COL18A1: variants seen among roughly 807,000 people sequenced by gnomAD.
The protein encoded by COL18A1 is collagen type XVIII alpha 1 chain, also known as collagen alpha-1(XVIII) chain.
In COL18A1, 133 loss-of-function variants were observed where a neutral mutation model predicts 168.0. That is an observed-to-expected ratio of 0.79 (90% CI 0.69 to 0.91). COL18A1 has a LOEUF of 0.91. COL18A1 is among the 40% of genes least tolerant of loss of function. The pLI, the probability that COL18A1 is intolerant of heterozygous loss-of-function variation, is 0.00. For synonymous variants in COL18A1, 949 were observed against 809.0 expected (o/e 1.17, Z -2.94); for missense variants, 2,126 against 1,925.4 (o/e 1.10, Z -1.95).
intron 2 of COL18A1, among the ~76,000 whole-genome samples, chr21:45,434,015 G>A (rs1249681644): frequency 1.3e-5 from 2 of 152,216 alleles, no homozygotes; most frequent in Non-Finnish European, 2.9e-5. Context: ...AAACAGATGT[G>A]TGTGCAGGTG....
At chr21:45,444,062 G>T (rs1425807617) in intron 2 of COL18A1, among the ~76,000 whole-genome samples, 1 of 152,200 alleles carries the variant, frequency 6.6e-6, no homozygotes, top group African/African-American at 2.4e-5. Context: ...CTGCCACGCT[G>T]TCGCTCTCTC....
intron 2 of COL18A1, among the ~76,000 whole-genome samples, chr21:45,426,293 T>TG (rs1165846638): frequency 2.0e-5 from 3 of 152,064 alleles, no homozygotes; most frequent in African/African-American, 4.8e-5. Flanking sequence ...TTAGTAGAGA[T>TG]GGGGTTTCAC....
chr21:45,428,966 G>A (rs138227144), intron 2 of COL18A1, among the ~76,000 whole-genome samples: 69 of 150,692 alleles, frequency 4.6e-4, no homozygotes, highest in African/African-American at 1.5e-3. Context: ...GCAGTGGTGC[G>A]ATCTCGGCTC....
At chr21:45,494,993 C>A in intron 28 of COL18A1, 78 bp downstream of exon 28, 2 of 1,316,620 alleles carry the variant, frequency 1.5e-6, no homozygotes, top group Non-Finnish European at 2.1e-6. Flanking sequence ...ACGGGGGTGA[C>A]ATGCCCAGAG....
At chr21:45,483,145 A>G (rs1209372861) in intron 15 of COL18A1, among the ~76,000 whole-genome samples, 1 of 152,256 alleles carries the variant, frequency 6.6e-6, no homozygotes, top group Non-Finnish European at 1.5e-5. Context: ...GCGATAAAGC[A>G]GCTCCAGGAG....
chr21:45,410,391 G>A (rs1387176333), intron 2 of COL18A1, among the ~76,000 whole-genome samples: 1 of 150,076 alleles, frequency 6.7e-6, no homozygotes, highest in Non-Finnish European at 1.5e-5. Context: ...GTGGGCACAC[G>A]CTGGTGCTGG....
At chr21:45,410,220 C>T (rs2033248027) in intron 2 of COL18A1, among the ~76,000 whole-genome samples, 1 of 152,120 alleles carries the variant, frequency 6.6e-6, no homozygotes, top group Non-Finnish European at 1.5e-5. Flanking sequence ...TCTGGCATTT[C>T]ATGGTGGCAG....
intron 20 of COL18A1, among the ~76,000 whole-genome samples, 155 bp downstream of exon 20, chr21:45,490,501 T>TGGGCCTCCGTGTGCCCACTCCCGGGTCC (rs1250055078): frequency 1.0e-5 from 1 of 96,660 alleles, no homozygotes; most frequent in East Asian, 3.7e-4. Context: ...CTCCCGGGTC[T>TGGGCCTCCGTGTGCCCACTCCCGGGTCC]CTGGGCCTCC....
At position 45,510,162 on chromosome 21, in the gene COL18A1, G is replaced by A; in HGVS notation, c.3594G>A (p.Leu1198=). ...TCCAGCAGGCGCGGGCCGTGGGGCT[G>A]GCGGGCACCTTCCGCGCCTTCCTGT... ...QCFQQARAVG[L]AGTFRAFLSS... The change falls in exon 40 of 42, where the codon CTG becomes CTA. Residue 1198 remains leucine, a synonymous_variant. Coordinates refer to ENST00000651438, the MANE Select transcript of COL18A1 (RefSeq NM_001379500.1). The A allele has an allele frequency of 6.3e-7, 1 of 1,597,142 alleles. No individual in the cohort carries two copies. Among genetic ancestry groups the A allele is most frequent in the East Asian group, 2.3e-5 (1 of 43,594 alleles).
Position 45,471,388 on chromosome 21 carries a change from G to A in COL18A1, c.652-2507G>A, listed in dbSNP as rs2035423913. Among the ~76,000 whole-genome samples the A allele has an allele frequency of 6.6e-6, 1 of 152,214 alleles. No homozygotes were observed. Among genetic ancestry groups the A allele is most frequent in the South Asian group, 2.1e-4 (1 of 4,836 alleles). ...CAGACTTCTGAATTGAGATACTTGGGAAAGAAACATTCAAGTTGTGTGACT... is the reference window on the plus strand; with the variant it reads ...CAGACTTCTGAATTGAGATACTTGGAAAAGAAACATTCAAGTTGTGTGACT... On this transcript the variant is annotated intron_variant, in intron 3 of 41. Coordinates refer to ENST00000651438, the MANE Select transcript of COL18A1 (RefSeq NM_001379500.1). This position sits in a 1 kb window ranked among gnomAD's most constrained non-coding sequence, Gnocchi z 4.4.
intron 13 of COL18A1, among the ~76,000 whole-genome samples, chr21:45,481,620 T>C (rs2035898288): frequency 6.6e-6 from 1 of 152,238 alleles, no homozygotes; most frequent in South Asian, 2.1e-4. Context: ...CAGAATCCAT[T>C]CTGAGGGGAA....
intron 2 of COL18A1, chr21:45,455,886 A>T: frequency 1.2e-6 from 2 of 1,613,038 alleles, no homozygotes; most frequent in Middle Eastern, 1.6e-4. Flanking sequence ...AACGTGGCCA[A>T]AGGCATCCGG....
chr21:45,490,422 C>T, intron 20 of COL18A1, 76 bp downstream of exon 20: 8 of 1,132,940 alleles, frequency 7.1e-6, no homozygotes, highest in Non-Finnish European at 9.6e-6. Context: ...TGAAAGCTGG[C>T]ACGAGATGTG....
chr21:45,424,168 G>C (rs567814985), intron 2 of COL18A1: 11 of 152,286 alleles, frequency 7.2e-5, no homozygotes, highest in African/African-American at 2.6e-4. Flanking sequence ...CGCAGTGCCC[G>C]GTCCGCCATC....
chr21:45,496,071 C>CATGCCCTCCATGCCCTCCATGCCCTCT (rs1568928432), intron 29 of COL18A1: 12 of 368,780 alleles, frequency 3.3e-5, no homozygotes, highest in Admixed American at 3.7e-5. Flanking sequence ...GGGCCTGGGC[C>CATGCCCTCCATGCCCTCCATGCCCTCT]ATGCCCTCCA....
At chr21:45,495,791 A>C in intron 29 of COL18A1, 1 of 350,266 alleles carries the variant, frequency 2.9e-6, no homozygotes, top group South Asian at 2.3e-5. Flanking sequence ...ACATATACAC[A>C]TGTATTCATG....
intron 2 of COL18A1, among the ~76,000 whole-genome samples, chr21:45,437,736 A>C (rs1198779333): frequency 1.5e-5 from 1 of 65,172 alleles, no homozygotes; most frequent in Non-Finnish European, 2.7e-5. Context: ...CTGCACACAC[A>C]CACTCACACA....
chr21:45,432,109 G>C (rs1337113386), intron 2 of COL18A1, among the ~76,000 whole-genome samples: 1 of 152,242 alleles, frequency 6.6e-6, no homozygotes, highest in Admixed American at 6.5e-5. Flanking sequence ...CTTTAGAGCA[G>C]ACACAGGTTG....
intron 36 of COL18A1, 35 bp from the exon 37 acceptor site, chr21:45,505,803 G>A (rs777803458): frequency 1.2e-4 from 76 of 641,850 alleles, no homozygotes; most frequent in African/African-American, 3.8e-4. Context: ...CGCCCTCCCC[G>A]CCAAGCCCCA....
Sources: gnomAD v4.1 joint callset for allele counts (sites outside exome capture counted in the v4.1 genomes callset) on GRCh38, gnomAD v4.1.1 for gene constraint, Gnocchi (gnomAD v3.1) non-coding constraint, MANE v1.5 for transcripts, NCBI Gene and HGNC (gene_info 2026-07-23, HGNC 2026-07-21) for gene names.